BRMS1L: variants seen among roughly 807,000 people sequenced by gnomAD.
The protein encoded by BRMS1L is BRMS1 like transcriptional repressor, also known as breast cancer metastasis-suppressor 1-like protein.
Under a neutral mutation model 50.3 loss-of-function variants are expected in BRMS1L, and 23 were observed. The observed-to-expected ratio is 0.46, with a 90% CI of 0.33 to 0.65. The LOEUF (loss-of-function observed/expected upper bound fraction) is 0.65, where lower values mean the gene tolerates loss of function less well. Among genes scored for constraint, BRMS1L ranks in the 30% least tolerant of loss-of-function variants. BRMS1L has a pLI of 0.02. For synonymous variants in BRMS1L, 114 were observed against 126.9 expected, an observed-to-expected ratio of 0.90 and a Z score of 0.69; for missense variants, 286 against 386.1, an observed-to-expected ratio of 0.74 and a Z score of 2.17.
At chr14:35,833,264 T>C (rs539167529) in intron 3 of BRMS1L, among the ~76,000 whole-genome samples, 159 bp downstream of exon 3, 2 of 152,152 alleles carry the variant, frequency 1.3e-5, no homozygotes, top group East Asian at 3.9e-4. Flanking sequence ...ACTGTATTTA[T>C]TGAATACCTC....
intron 4 of BRMS1L, among the ~76,000 whole-genome samples, chr14:35,836,327 T>C (rs1051709829): frequency 1.3e-5 from 2 of 152,116 alleles, no homozygotes; most frequent in Non-Finnish European, 2.9e-5. Flanking sequence ...ATCTTTTTAT[T>C]TATGGGATGT....
At chr14:35,859,881 G>A (rs1459461457) in intron 4 of BRMS1L, among the ~76,000 whole-genome samples, 1 of 151,898 alleles carries the variant, frequency 6.6e-6, no homozygotes, top group Non-Finnish European at 1.5e-5. Flanking sequence ...CAAACTCCTG[G>A]GCTCAAGTGA....
chr14:35,870,495 T>C lies in BRMS1L; in HGVS notation c.*18T>C, dbSNP rs942830713. ...ATTCATAATCATGATTTAAGTGTTA[T>C]CTAAATTTACCTTATTAGTGTTACC... On this transcript the variant is annotated 3_prime_UTR_variant, in exon 10 of 10. Coordinates refer to ENST00000216807, the MANE Select transcript of BRMS1L (RefSeq NM_032352.4). 4 of 1,494,400 alleles carry C rather than the reference T, an allele frequency of 2.7e-6. No individual in the cohort carries two copies. Among genetic ancestry groups the C allele is most frequent in the Non-Finnish European group, 3.7e-6 (4 of 1,080,342 alleles). 92.6% of individuals were successfully genotyped at this position (1,494,400 alleles called of 1,614,324 possible). A position where few individuals can be genotyped will look rare whatever the true frequency, so the allele number is the denominator to read the frequency against.
intron 4 of BRMS1L, among the ~76,000 whole-genome samples, chr14:35,848,445 A>G (rs1360983116): frequency 2.0e-5 from 3 of 151,944 alleles, no homozygotes; most frequent in Non-Finnish European, 4.4e-5. Context: ...AAGTGAGCCC[A>G]TTGCCTCAGC....
intron 4 of BRMS1L, among the ~76,000 whole-genome samples, chr14:35,862,084 ATAATT>A (rs372058598): frequency 3.9e-5 from 6 of 152,188 alleles, no homozygotes; most frequent in African/African-American, 1.4e-4. Flanking sequence ...AATTTAGACT[ATAATT>A]GAATTATTTT....
intron 1 of BRMS1L, among the ~76,000 whole-genome samples, chr14:35,830,515 G>A (rs1260589010): frequency 6.6e-6 from 1 of 151,748 alleles, no homozygotes; most frequent in Non-Finnish European, 1.5e-5. Context: ...CCACCACTAT[G>A]TCTGGCTAAT....
At chr14:35,852,116 G>A (rs1455778333) in intron 4 of BRMS1L, among the ~76,000 whole-genome samples, 1 of 152,162 alleles carries the variant, frequency 6.6e-6, no homozygotes, top group Non-Finnish European at 1.5e-5. Context: ...GTCCTTTGTG[G>A]TTCCATTATG....
chr14:35,855,392 C>T (rs2078266928), intron 4 of BRMS1L, among the ~76,000 whole-genome samples: 1 of 152,164 alleles, frequency 6.6e-6, no homozygotes, highest in Admixed American at 6.6e-5. Context: ...TGTCAAGCCA[C>T]AACTTTATTT....
intron 1 of BRMS1L, among the ~76,000 whole-genome samples, chr14:35,828,127 T>C (rs528917321): frequency 6.6e-6 from 1 of 151,866 alleles, no homozygotes; most frequent in East Asian, 1.9e-4. Flanking sequence ...GTGAAAGATT[T>C]GAGATGAAGG....
intron 7 of BRMS1L, 101 bp from the exon 8 acceptor site, chr14:35,865,621 G>T: frequency 1.1e-6 from 1 of 870,134 alleles, no homozygotes. Context: ...CTTTGTTATG[G>T]AGTTAATCGG....
intron 4 of BRMS1L, among the ~76,000 whole-genome samples, chr14:35,848,534 C>A (rs931306903): frequency 6.6e-6 from 1 of 152,026 alleles, no homozygotes; most frequent in Non-Finnish European, 1.5e-5. Context: ...ATAATATTAT[C>A]CTGCACAGTA....
Position 35,835,471 on chromosome 14 carries a change from A to G in BRMS1L, c.441+548A>G, listed in dbSNP as rs557958992. 2.5e-3 allele frequency among the ~76,000 whole-genome samples: 382 copies of G among 152,350 alleles called. 1 individual carries two copies. Among genetic ancestry groups the G allele is most frequent in the Non-Finnish European group, 4.4e-3 (296 of 68,038 alleles). ...CTTGGTGATGACCTTGAGCAGTAGG[A>G]TATAAATAACTCCCACAAGCTTAAC... On this transcript the variant is annotated intron_variant, in intron 4 of 9. Transcript: ENST00000216807.
intron 3 of BRMS1L, among the ~76,000 whole-genome samples, chr14:35,834,293 C>G (rs1423685369): frequency 6.6e-6 from 1 of 152,142 alleles, no homozygotes; most frequent in Non-Finnish European, 1.5e-5. Flanking sequence ...CTAAGTTAAA[C>G]TATCTTGGGT....
intron 1 of BRMS1L, among the ~76,000 whole-genome samples, chr14:35,827,988 G>A (rs2077866419): frequency 6.6e-6 from 1 of 152,100 alleles, no homozygotes; most frequent in Non-Finnish European, 1.5e-5. Context: ...GAAAAGAACA[G>A]GAAAGTATAG....
intron 4 of BRMS1L, among the ~76,000 whole-genome samples, chr14:35,845,830 A>C (rs1045033563): frequency 9.2e-5 from 14 of 152,194 alleles, no homozygotes; most frequent in African/African-American, 3.4e-4. Flanking sequence ...ATCATAGTGC[A>C]CTGCAGCCTT....
At chr14:35,856,892 G>GC (rs2142057184) in intron 4 of BRMS1L, among the ~76,000 whole-genome samples, 1 of 152,074 alleles carries the variant, frequency 6.6e-6, no homozygotes, top group South Asian at 2.1e-4. Flanking sequence ...TAAAAAACTA[G>GC]CTAGTATGAT....
intron 4 of BRMS1L, among the ~76,000 whole-genome samples, chr14:35,849,785 G>C (rs2078184936): frequency 6.6e-6 from 1 of 151,762 alleles, no homozygotes; most frequent in Non-Finnish European, 1.5e-5. Flanking sequence ...GATCATTTGG[G>C]CTTTTGCTAC....
chr14:35,866,262 T>A (rs964906090), intron 8 of BRMS1L, among the ~76,000 whole-genome samples: 1 of 152,250 alleles, frequency 6.6e-6, no homozygotes, highest in Non-Finnish European at 1.5e-5. Context: ...TAAGTTTCTC[T>A]GTTTCTGCCT....
chr14:35,853,534 C>T (rs1056631581), intron 4 of BRMS1L, among the ~76,000 whole-genome samples: 2 of 152,102 alleles, frequency 1.3e-5, no homozygotes, highest in African/African-American at 4.8e-5. Flanking sequence ...TTGCCCCAGC[C>T]TCCCAAGTAG....
Sources: allele counts gnomAD v4.1 joint callset (sites outside exome capture counted in the v4.1 genomes callset), GRCh38; gene constraint gnomAD v4.1.1; transcripts MANE v1.5; gene names NCBI Gene and HGNC (gene_info 2026-07-23, HGNC 2026-07-21).